The following TMEM132B variants were observed in gnomAD, a reference collection of about 807,000 sequenced individuals.
TMEM132B encodes transmembrane protein 132B.
A neutral mutation model predicts 90.8 loss-of-function variants in TMEM132B; 18 were observed. The ratio of observed to expected loss-of-function variants is 0.20; its 90% CI spans 0.14 to 0.29. The LOEUF (loss-of-function observed/expected upper bound fraction) is 0.29, where lower values mean the gene tolerates loss of function less well. Ranked by LOEUF, TMEM132B falls within the 10% of genes least tolerant of loss-of-function variation. TMEM132B has a pLI of 1.00. For missense variants in TMEM132B, 1,096 were observed against 1,326.8 expected, an observed-to-expected ratio of 0.83 and a Z score of 2.70; for synonymous variants, 504 against 523.3, an observed-to-expected ratio of 0.96 and a Z score of 0.50.
intron 5 of TMEM132B, among the ~76,000 whole-genome samples, chr12:125,589,147 A>G (rs1885246851): frequency 6.6e-6 from 1 of 152,134 alleles, no homozygotes; most frequent in Admixed American, 6.6e-5. Context: ...CTATATTTAG[A>G]TATTTGGGCC....
intron 1 of TMEM132B, among the ~76,000 whole-genome samples, chr12:125,224,962 T>G (rs1045214372): frequency 6.6e-6 from 1 of 152,234 alleles, no homozygotes; most frequent in African/African-American, 2.4e-5. Flanking sequence ...CTAAAGAATC[T>G]TCTAAAGGGG....
At chr12:125,276,788 C>T (rs552153776) in intron 1 of TMEM132B, among the ~76,000 whole-genome samples, 8 of 152,206 alleles carry the variant, frequency 5.3e-5, no homozygotes, top group Non-Finnish European at 7.4e-5. Flanking sequence ...CTGTCAGCGC[C>T]GGTGAAGTCA....
At chr12:125,318,276 G>A (rs1876339818) in intron 1 of TMEM132B, among the ~76,000 whole-genome samples, 1 of 151,820 alleles carries the variant, frequency 6.6e-6, no homozygotes, top group Non-Finnish European at 1.5e-5. Context: ...GAGGGACCAC[G>A]GAGGACTTCA....
chr12:125,221,072 C>T (rs1383237920), intron 1 of TMEM132B, among the ~76,000 whole-genome samples: 2 of 152,356 alleles, frequency 1.3e-5, no homozygotes, highest in Non-Finnish European at 2.9e-5. Flanking sequence ...CCCTGAGCAC[C>T]CCGCCTACAG....
chr12:125,644,324 G>A (rs1199777855), intron 6 of TMEM132B, 43 bp downstream of exon 6: 4 of 1,600,686 alleles, frequency 2.5e-6, no homozygotes, highest in Non-Finnish European at 3.4e-6. Flanking sequence ...TTGTCCTGGA[G>A]TCCAGATCTT....
intron 3 of TMEM132B, among the ~76,000 whole-genome samples, chr12:125,507,016 C>A (rs1009364028): frequency 6.6e-6 from 1 of 152,194 alleles, no homozygotes; most frequent in Admixed American, 6.5e-5. Context: ...AGGAAAATTG[C>A]CAAACAGAAA....
chr12:125,221,207 C>T (rs1873548904), intron 1 of TMEM132B, among the ~76,000 whole-genome samples: 1 of 152,218 alleles, frequency 6.6e-6, no homozygotes, highest in African/African-American at 2.4e-5. Context: ...GAGCAGTGAC[C>T]TCATCTGTCT....
At chr12:125,222,604 A>G (rs993418305) in intron 1 of TMEM132B, among the ~76,000 whole-genome samples, 3 of 152,232 alleles carry the variant, frequency 2.0e-5, no homozygotes, top group African/African-American at 7.2e-5. Flanking sequence ...TTGCCAATGA[A>G]CTGACAATTT....
chr12:125,233,048 G>C (rs922159075), intron 1 of TMEM132B, among the ~76,000 whole-genome samples: 2 of 152,108 alleles, frequency 1.3e-5, no homozygotes, highest in African/African-American at 4.8e-5. Context: ...ATGTGTCTCT[G>C]ATGTCCCTGG....
chr12:125,470,995 A>T (rs1018618323), intron 3 of TMEM132B, among the ~76,000 whole-genome samples: 2 of 152,206 alleles, frequency 1.3e-5, no homozygotes, highest in Non-Finnish European at 2.9e-5. Flanking sequence ...CTGAGGTCGT[A>T]CCTCAACAAC....
chr12:125,327,174 CTCT>C (rs1876609097), intron 1 of TMEM132B, among the ~76,000 whole-genome samples: 1 of 152,174 alleles, frequency 6.6e-6, no homozygotes, highest in Non-Finnish European at 1.5e-5. Flanking sequence ...GTCACCACCT[CTCT>C]TCTGCTGACA....
At chr12:125,214,569 C>T (rs546948894) in intron 1 of TMEM132B, among the ~76,000 whole-genome samples, 42 of 152,132 alleles carry the variant, frequency 2.8e-4, no homozygotes, top group Admixed American at 9.8e-4. Flanking sequence ...GGCTGGACCA[C>T]GTTATAGAGA....
At position 125,514,553 on chromosome 12, in the gene TMEM132B, C is replaced by CGG. The variant is rs1566059474; in HGVS notation, c.1107-4886_1107-4885insGG. On this transcript the variant is annotated intron_variant, in intron 3 of 8. Coordinates refer to ENST00000682704, the MANE Select transcript of TMEM132B (RefSeq NM_001366854.1). ...AAAAACAGATACCTGAGACCAGAGA[C>CGG]AGCTTCTCTTGTCCCATTTTTAGAA... 2.6e-5 allele frequency among the ~76,000 whole-genome samples: 4 copies of CGG among 152,326 alleles called. No individual in the cohort carries two copies. In the East Asian group the frequency reaches 7.7e-4, roughly 29 times the overall value.
intron 1 of TMEM132B, among the ~76,000 whole-genome samples, chr12:125,321,077 GT>G (rs1295741909): frequency 2.6e-5 from 4 of 152,208 alleles, no homozygotes; most frequent in Non-Finnish European, 5.9e-5. Flanking sequence ...GTATGCATTG[GT>G]CTTGCCTGTC....
At chr12:125,299,357 G>T (rs1286430941) in intron 1 of TMEM132B, among the ~76,000 whole-genome samples, 1 of 152,104 alleles carries the variant, frequency 6.6e-6, no homozygotes, top group Non-Finnish European at 1.5e-5. Context: ...CTCCCTGGCG[G>T]CTCCTCCCAA....
At chr12:125,437,422 T>G (rs1880738469) in intron 3 of TMEM132B, among the ~76,000 whole-genome samples, 1 of 152,224 alleles carries the variant, frequency 6.6e-6, no homozygotes, top group African/African-American at 2.4e-5. Context: ...TTTGAACACC[T>G]GTTTTCAGTG....
At chr12:125,520,942 A>G (rs861070) in intron 4 of TMEM132B, among the ~76,000 whole-genome samples, 55,415 of 151,998 alleles carry the variant, frequency 0.36, 10,282 homozygotes, top group East Asian at 0.48. Context: ...ATCATCATTG[A>G]CCCACATTGT....
intron 4 of TMEM132B, among the ~76,000 whole-genome samples, chr12:125,531,619 G>T (rs1024748374): frequency 6.6e-6 from 1 of 152,170 alleles, no homozygotes; most frequent in Non-Finnish European, 1.5e-5. Flanking sequence ...TTGGCAGTTG[G>T]TATCTAGAAT....
At chr12:125,518,388 G>C (rs1215153920) in intron 3 of TMEM132B, among the ~76,000 whole-genome samples, 1 of 152,190 alleles carries the variant, frequency 6.6e-6, no homozygotes, top group Non-Finnish European at 1.5e-5. Context: ...GCAGGAAGGA[G>C]ACTTCTCAGC....
Sources: allele counts gnomAD v4.1 joint callset (sites outside exome capture counted in the v4.1 genomes callset), GRCh38; gene constraint gnomAD v4.1.1; transcripts MANE v1.5; gene names NCBI Gene and HGNC (gene_info 2026-07-23, HGNC 2026-07-21).